LYPD1: variants seen among roughly 807,000 people sequenced by gnomAD.
LYPD1 encodes the protein ly6/PLAUR domain-containing protein 1.
Under a neutral mutation model 14.2 loss-of-function variants are expected in LYPD1, and 14 were observed. That is an observed-to-expected ratio of 0.99 (90% CI 0.65 to 1.54). The LOEUF (loss-of-function observed/expected upper bound fraction) is 1.54, where lower values mean the gene tolerates loss of function less well. LYPD1 is among the 40% of genes most tolerant of loss of function. The pLI is 0.00. For synonymous variants in LYPD1, 85 were observed against 70.6 expected (o/e 1.20, Z -1.02); for missense variants, 165 against 175.7 (o/e 0.94, Z 0.34).
At chr2:132,668,570 G>A (rs1423600134) in intron 1 of LYPD1, 33 bp from the exon 2 acceptor site, 1 of 1,604,974 alleles carries the variant, frequency 6.2e-7, no homozygotes, top group East Asian at 2.2e-5. Context: ...TTCAGATCCG[G>A]CCCCCACAGA....
chr2:132,657,871 C>T (rs1369145574), intron 2 of LYPD1, among the ~76,000 whole-genome samples: 1 of 151,866 alleles, frequency 6.6e-6, no homozygotes, highest in Non-Finnish European at 1.5e-5. Context: ...TCCAGGGGTC[C>T]CTGGAGGTAC....
At position 132,646,320 on chromosome 2, in the gene LYPD1, G is replaced by A. The variant is rs746422182; in HGVS notation, c.191-40C>T. The A allele has an allele frequency of 3.1e-5, 42 of 1,352,322 alleles. No individual in the cohort carries two copies. In the East Asian group the frequency reaches 1.0e-3, roughly 32 times the overall value. 83.8% of individuals were successfully genotyped at this position (1,352,322 alleles called of 1,614,324 possible). On this transcript the variant is annotated intron_variant, in intron 2 of 2. Transcript: ENST00000397463. Reference sequence around the variant, plus strand: ...CAAAGGAGCTGAGTTAACGTGCACCGGCAAAAGAATAGCTGTCCCTCTCAG... The same window carrying A: ...CAAAGGAGCTGAGTTAACGTGCACCAGCAAAAGAATAGCTGTCCCTCTCAG...
In LYPD1 at chr2:132,645,416, C is replaced by T. The variant is rs200090353; in HGVS notation, c.*629G>A. On this transcript the variant is annotated 3_prime_UTR_variant, in exon 3 of 3. Transcript: ENST00000397463. Reference sequence around the variant, plus strand: ...GACAGCGCCCGCTTTGTGCAGCGCCCGTTGCTCTTCGCGTCCCGGCGCCAG... The same window carrying T: ...GACAGCGCCCGCTTTGTGCAGCGCCTGTTGCTCTTCGCGTCCCGGCGCCAG... 33 of 1,613,446 alleles carry T rather than the reference C, an allele frequency of 2.0e-5. No homozygotes were observed. Among genetic ancestry groups the T allele is most frequent in the South Asian group, 1.6e-4 (15 of 91,084 alleles).
chr2:132,649,881 T>A (rs1031276815), intron 2 of LYPD1, among the ~76,000 whole-genome samples: 2 of 131,544 alleles, frequency 1.5e-5, no homozygotes, highest in Non-Finnish European at 3.5e-5. Context: ...CCTTGGGAGA[T>A]TTTTTTTTTA....
intron 2 of LYPD1, among the ~76,000 whole-genome samples, chr2:132,667,272 C>A (rs1200349591): frequency 6.6e-6 from 1 of 152,128 alleles, no homozygotes. Context: ...AAATAATGAC[C>A]TATACAAACC....
chr2:132,659,830 G>A (rs928930583), intron 2 of LYPD1, among the ~76,000 whole-genome samples: 1 of 152,214 alleles, frequency 6.6e-6, no homozygotes, highest in Admixed American at 6.5e-5. Flanking sequence ...CAACCCGCTA[G>A]GCTCTAGCTA....
chr2:132,649,866 T>G (rs1364458328), intron 2 of LYPD1, among the ~76,000 whole-genome samples: 1 of 151,666 alleles, frequency 6.6e-6, no homozygotes, highest in African/African-American at 2.4e-5. Flanking sequence ...AACGACACTT[T>G]GGAACCTTGG....
Position 132,669,911 on chromosome 2 carries a change from C to T in LYPD1, c.22G>A (p.Ala8Thr). ...AGCAAGAACAATCCGCAAAAAGTTG[C>T]CGCGATGCCTAGGACCCACATTCTC... is the stretch of plus-strand genomic sequence containing the variant. MWVLGIA[A>T]TFCGLFLLPG... The change falls in exon 1 of 3, where the codon GCA becomes ACA. Residue 8 changes from alanine (A) to threonine (T), a missense_variant. Coordinates refer to ENST00000397463, the MANE Select transcript of LYPD1 (RefSeq NM_144586.7). This position sits in a 1 kb window ranked among gnomAD's most constrained non-coding sequence, Gnocchi z 4.3. 6.2e-7 allele frequency: 1 copy of T among 1,612,894 alleles called. No homozygotes were observed.
rs774960473 is a variant in LYPD1 at position 132,646,228 on chromosome 2, A to G, written c.243T>C (p.Ser81=). ...CASSAACLIA[S]AGYQSFCSPG... ...GGGAGCAGAAGGACTGGTACCCGGC[A>G]GAGGCGATGAGACAGGCCGCTGATG... The change falls in exon 3 of 3, where the codon TCT becomes TCC. Residue 81 remains serine, a synonymous_variant. Coordinates refer to ENST00000397463, the MANE Select transcript of LYPD1 (RefSeq NM_144586.7). 6 of 1,591,386 alleles carry G rather than the reference A, an allele frequency of 3.8e-6. 1 individual carries two copies. Among genetic ancestry groups the G allele is most frequent in the South Asian group, 2.3e-5 (2 of 87,746 alleles).
At chr2:132,667,198 G>C (rs1394727892) in intron 2 of LYPD1, among the ~76,000 whole-genome samples, 2 of 152,110 alleles carry the variant, frequency 1.3e-5, no homozygotes, top group East Asian at 3.8e-4. Flanking sequence ...CGCATTTCTC[G>C]AGACAAGTTA....
At chr2:132,654,131 T>C (rs1162303910) in intron 2 of LYPD1, among the ~76,000 whole-genome samples, 1 of 152,256 alleles carries the variant, frequency 6.6e-6, no homozygotes, top group East Asian at 1.9e-4. Context: ...ACTGCGGTTA[T>C]GTAGATTGTT....
chr2:132,660,201 A>G (rs1314328407), intron 2 of LYPD1, among the ~76,000 whole-genome samples: 2 of 152,196 alleles, frequency 1.3e-5, no homozygotes, highest in Non-Finnish European at 2.9e-5. Context: ...GCGTATCACA[A>G]CTTCCTTAAA....
chr2:132,669,489 C>T lies in LYPD1; in HGVS notation c.52+392G>A, dbSNP rs1022382120. Among the ~76,000 whole-genome samples, 5 of 152,168 alleles carry T rather than the reference C, an allele frequency of 3.3e-5. No homozygotes were observed. The highest frequency in any genetic ancestry group is 7.4e-5 in the Non-Finnish European group (5 of 68,018). On this transcript the variant is annotated intron_variant, in intron 1 of 2. Transcript: ENST00000397463. The surrounding 1 kb of genome is among the most constrained non-coding windows in gnomAD (Gnocchi z 4.3). ...CGTGGCCGCAGGCTGCCTCGCGCAT[C>T]GCTCACCTGTCGGCGGCGCCACTCC...
intron 2 of LYPD1, chr2:132,663,050 A>T (rs1432516519): frequency 1.3e-5 from 2 of 152,188 alleles, no homozygotes; most frequent in Non-Finnish European, 2.9e-5. Context: ...TTGAGAACTA[A>T]GTGGTCAACT....
rs182696774 is a variant in LYPD1 at position 132,654,125 on chromosome 2, C to T, written c.191-7845G>A. 2.3e-3 allele frequency among the ~76,000 whole-genome samples: 346 copies of T among 152,202 alleles called. 2 individuals are homozygous for T. The highest frequency in any genetic ancestry group is 8.0e-3 in the African/African-American group (332 of 41,518). ...TTTCCTAGCCTTGATCATCGTACTG[C>T]GGTTATGTAGATTGTTAACACTAGC... On this transcript the variant is annotated intron_variant, in intron 2 of 2. Coordinates refer to ENST00000397463, the MANE Select transcript of LYPD1 (RefSeq NM_144586.7).
At chr2:132,661,063 A>G (rs1185287351) in intron 2 of LYPD1, among the ~76,000 whole-genome samples, 1 of 152,112 alleles carries the variant, frequency 6.6e-6, no homozygotes, top group Non-Finnish European at 1.5e-5. Flanking sequence ...TGTAAAGTGA[A>G]AGTGTGGACC....
At chr2:132,652,911 C>T (rs1194689991) in intron 2 of LYPD1, among the ~76,000 whole-genome samples, 1 of 152,112 alleles carries the variant, frequency 6.6e-6, no homozygotes, top group Non-Finnish European at 1.5e-5. Context: ...GATGGGCATG[C>T]CAAGGAATGA....
At chr2:132,656,089 C>T (rs1682580600) in intron 2 of LYPD1, among the ~76,000 whole-genome samples, 1 of 152,140 alleles carries the variant, frequency 6.6e-6, no homozygotes, top group Non-Finnish European at 1.5e-5. Flanking sequence ...TCACTTTAAC[C>T]TCTGCCCCAG....
intron 1 of LYPD1, among the ~76,000 whole-genome samples, chr2:132,668,982 G>C (rs948518758): frequency 1.3e-5 from 2 of 152,234 alleles, no homozygotes; most frequent in Admixed American, 1.3e-4. Flanking sequence ...CGTCTTTTTA[G>C]TTTTTATTTA....
Sources: gnomAD v4.1 joint callset for allele counts (sites outside exome capture counted in the v4.1 genomes callset) on GRCh38, gnomAD v4.1.1 for gene constraint, Gnocchi (gnomAD v3.1) non-coding constraint, MANE v1.5 for transcripts, NCBI Gene and HGNC (gene_info 2026-07-23, HGNC 2026-07-21) for gene names.